SAXO4: variants seen among roughly 807,000 people sequenced by gnomAD.
SAXO4 encodes the protein stabilizer of axonemal microtubules 4, also known as protein phosphatase 1 regulatory subunit 32.
chr11:61,490,676 A>G, the SAXO4 span: 1 of 1,203,788 alleles, frequency 8.3e-7, no homozygotes, highest in Non-Finnish European at 1.2e-6. Context: ...GGGTTAAGCA[A>G]GTCCTGCCTG....
the SAXO4 span, among the ~76,000 whole-genome samples, chr11:61,484,477 C>T: frequency 3.8e-3 from 578 of 152,292 alleles, 6 homozygotes; most frequent in South Asian, 0.027. Flanking sequence ...CACTCAGGTC[C>T]TTGCAGGCCA....
chr11:61,482,042 C>A, the SAXO4 span: 1 of 742,286 alleles, frequency 1.3e-6, no homozygotes, highest in Admixed American at 2.8e-5. Flanking sequence ...CCGTTTGTCC[C>A]CTGGGCCCTG....
At chr11:61,490,412 T>C in the SAXO4 span, 1 of 1,239,098 alleles carries the variant, frequency 8.1e-7, no homozygotes, top group African/African-American at 1.5e-5. Flanking sequence ...GGCTATGCTC[T>C]CTCAGGGAGG....
At chr11:61,487,538 C>A in the SAXO4 span, among the ~76,000 whole-genome samples, 1 of 152,212 alleles carries the variant, frequency 6.6e-6, no homozygotes, top group African/African-American at 2.4e-5. Context: ...CTCAGAACTA[C>A]CCCAGTCAAA....
chr11:61,490,625 T>C, the SAXO4 span: 27 of 1,542,680 alleles, frequency 1.8e-5, no homozygotes, highest in Admixed American at 4.5e-4. Context: ...GCTCTGGTTG[T>C]GTGGGCAACC....
the SAXO4 span, chr11:61,485,706 C>T: frequency 6.3e-6 from 6 of 949,390 alleles, no homozygotes; most frequent in African/African-American, 8.1e-5. Context: ...ATCTTGGGAT[C>T]CACTCCCTCT....
At chr11:61,482,598 T>C in the SAXO4 span, 1 of 1,612,054 alleles carries the variant, frequency 6.2e-7, no homozygotes, top group South Asian at 1.1e-5. Context: ...GGAGGGAAGC[T>C]CCTTAGCAGA....
At chr11:61,489,622 G>C in the SAXO4 span, 1 of 709,592 alleles carries the variant, frequency 1.4e-6, no homozygotes, top group Non-Finnish European at 2.4e-6. Flanking sequence ...TTTTGAGTAA[G>C]AGTTCCCCCA....
the SAXO4 span, among the ~76,000 whole-genome samples, chr11:61,483,216 G>T: frequency 6.9e-6 from 1 of 144,428 alleles, no homozygotes; most frequent in African/African-American, 2.6e-5. Flanking sequence ...GCCCAGGCTG[G>T]AGTGCAGTGG....
the SAXO4 span, chr11:61,482,710 G>C: frequency 6.2e-7 from 1 of 1,614,094 alleles, no homozygotes; most frequent in Non-Finnish European, 8.5e-7. Flanking sequence ...CCGCCCCCTG[G>C]AGGTGCCTGA....
the SAXO4 span, among the ~76,000 whole-genome samples, chr11:61,488,301 CTTTTT>C: frequency 1.9e-5 from 2 of 107,410 alleles, no homozygotes; most frequent in African/African-American, 7.3e-5. Flanking sequence ...AGTACAATTC[CTTTTT>C]TTTTTTTTTT....
At chr11:61,487,492 C>T in the SAXO4 span, among the ~76,000 whole-genome samples, 1 of 152,270 alleles carries the variant, frequency 6.6e-6, no homozygotes, top group Non-Finnish European at 1.5e-5. Flanking sequence ...AGCTATCCCA[C>T]TGGGAAAACT....
chr11:61,487,175 C>T, the SAXO4 span: 2 of 1,614,072 alleles, frequency 1.2e-6, no homozygotes, highest in Non-Finnish European at 1.7e-6. Flanking sequence ...TTAACAACCC[C>T]ATGTATGTCC....
the SAXO4 span, chr11:61,487,246 G>A: frequency 1.2e-6 from 2 of 1,612,912 alleles, no homozygotes; most frequent in Non-Finnish European, 1.7e-6. Context: ...CAAGGGTGAG[G>A]TCCGCTTCCT....
At chr11:61,482,710 G>T in the SAXO4 span, 1 of 1,613,976 alleles carries the variant, frequency 6.2e-7, no homozygotes, top group Non-Finnish European at 8.5e-7. Flanking sequence ...CCGCCCCCTG[G>T]AGGTGCCTGA....
At chr11:61,487,132 C>A in the SAXO4 span, 2 of 1,613,278 alleles carry the variant, frequency 1.2e-6, no homozygotes, top group Non-Finnish European at 8.5e-7. Context: ...CCCCTGTCTA[C>A]CCCTCTTGTG....
chr11:61,482,656 GA>G, the SAXO4 span: 8 of 1,613,946 alleles, frequency 5.0e-6, no homozygotes, highest in Non-Finnish European at 6.8e-6. Context: ...CACCCTCAGG[GA>G]ACAAGCCCAG....
chr11:61,482,293 C>T, the SAXO4 span: 1 of 1,610,480 alleles, frequency 6.2e-7, no homozygotes, highest in Non-Finnish European at 8.5e-7. Context: ...GTCTGTCTCC[C>T]CGTTACCCCT....
chr11:61,487,634 C>G, the SAXO4 span, among the ~76,000 whole-genome samples: 1 of 152,220 alleles, frequency 6.6e-6, no homozygotes, highest in Non-Finnish European at 1.5e-5. Flanking sequence ...AGCCCAGGTG[C>G]CTCCTTGCTC....
Sources: gnomAD v4.1 joint callset for allele counts (sites outside exome capture counted in the v4.1 genomes callset) on GRCh38, gnomAD v4.1.1 for gene constraint, MANE v1.5 for transcripts, NCBI Gene and HGNC (gene_info 2026-07-23, HGNC 2026-07-21) for gene names.